Variants in DLG1 observed in about 807,000 individuals in gnomAD.
DLG1 encodes the protein disks large homolog 1.
Under a neutral mutation model 123.4 loss-of-function variants are expected in DLG1, and 42 were observed. The observed-to-expected ratio is 0.34, with a 90% CI of 0.27 to 0.44. DLG1 has a LOEUF of 0.44. DLG1 is among the 20% of genes least tolerant of loss of function. The probability of loss-of-function intolerance (pLI) is 1.00; values close to 1 mark genes in which losing one functional copy is unlikely to be tolerated. For missense variants in DLG1, 942 were observed against 1,082.6 expected, an observed-to-expected ratio of 0.87 and a Z score of 1.82; for synonymous variants, 317 against 356.2, an observed-to-expected ratio of 0.89 and a Z score of 1.24.
intron 3 of DLG1, among the ~76,000 whole-genome samples, chr3:197,287,834 T>C (rs985469935): frequency 1.6e-4 from 24 of 152,172 alleles, no homozygotes; most frequent in African/African-American, 5.8e-4. Flanking sequence ...GTATGGTGAA[T>C]TGGTCATTCT....
intron 16 of DLG1, among the ~76,000 whole-genome samples, chr3:197,084,198 T>C (rs1752820969): frequency 6.6e-6 from 1 of 152,156 alleles, no homozygotes; most frequent in African/African-American, 2.4e-5. Context: ...CCACAGACAC[T>C]TTCAGTTTTC....
chr3:197,229,884 A>G (rs1188793704), intron 4 of DLG1, among the ~76,000 whole-genome samples: 1 of 152,220 alleles, frequency 6.6e-6, no homozygotes, highest in East Asian at 1.9e-4. Flanking sequence ...ACGAGGTAAA[A>G]AGTATTATAA....
At chr3:197,157,781 A>G (rs1797006140) in intron 5 of DLG1, among the ~76,000 whole-genome samples, 1 of 152,206 alleles carries the variant, frequency 6.6e-6, no homozygotes, top group Non-Finnish European at 1.5e-5. Context: ...ACACTTCCTG[A>G]TTCCAAAACT....
chr3:197,165,705 T>C (rs1370968835), intron 5 of DLG1, among the ~76,000 whole-genome samples: 2 of 152,194 alleles, frequency 1.3e-5, no homozygotes, highest in Non-Finnish European at 2.9e-5. Context: ...CTAAGAATGT[T>C]TGAAAACCCA....
intron 5 of DLG1, among the ~76,000 whole-genome samples, chr3:197,173,359 T>G (rs1020503853): frequency 2.6e-5 from 4 of 152,214 alleles, no homozygotes; most frequent in African/African-American, 9.6e-5. Context: ...TTGCACATAT[T>G]GTCTCATTTA....
chr3:197,231,373 A>G (rs1160293924), intron 4 of DLG1, among the ~76,000 whole-genome samples: 1 of 152,210 alleles, frequency 6.6e-6, no homozygotes, highest in Non-Finnish European at 1.5e-5. Flanking sequence ...TTGATTTAGC[A>G]AAAATACCAT....
chr3:197,283,763 T>TA, intron 3 of DLG1, among the ~76,000 whole-genome samples: 1 of 152,054 alleles, frequency 6.6e-6, no homozygotes, highest in East Asian at 1.9e-4. Context: ...CAGAATAACT[T>TA]AGACTTCTTG....
chr3:197,289,975 T>C (rs1351005462), intron 3 of DLG1, among the ~76,000 whole-genome samples: 2 of 152,232 alleles, frequency 1.3e-5, no homozygotes, highest in Admixed American at 1.3e-4. Context: ...CTCAGAGAAA[T>C]GGCTGATTCC....
chr3:197,113,811 G>C (rs1771499023), intron 13 of DLG1, among the ~76,000 whole-genome samples: 3 of 152,108 alleles, frequency 2.0e-5, no homozygotes, highest in African/African-American at 7.2e-5. Context: ...GTAAGGTATA[G>C]ATAAGATGTA....
At chr3:197,149,520 G>A (rs1413518912) in intron 6 of DLG1, among the ~76,000 whole-genome samples, 1 of 151,808 alleles carries the variant, frequency 6.6e-6, no homozygotes, top group Non-Finnish European at 1.5e-5. Context: ...ATTAAATTAC[G>A]AATTTCTATT....
At chr3:197,109,745 T>G (rs2149351179) in intron 13 of DLG1, among the ~76,000 whole-genome samples, 1 of 152,368 alleles carries the variant, frequency 6.6e-6, no homozygotes, top group African/African-American at 2.4e-5. Context: ...TTCTTTATTT[T>G]CAAAAGATAG....
At chr3:197,192,533 CTGGT>C in intron 5 of DLG1, among the ~76,000 whole-genome samples, 1 of 152,098 alleles carries the variant, frequency 6.6e-6, no homozygotes, top group South Asian at 2.1e-4. Flanking sequence ...CTGCCACTAA[CTGGT>C]AAACAGCCAA....
chr3:197,267,198 AT>A (rs908019851), intron 4 of DLG1, among the ~76,000 whole-genome samples: 97 of 152,312 alleles, frequency 6.4e-4, no homozygotes, highest in African/African-American at 2.2e-3. Flanking sequence ...TGATTAAAAT[AT>A]TTTTTTAAAA....
chr3:197,077,448 C>T (rs538643597), intron 17 of DLG1, among the ~76,000 whole-genome samples: 192 of 152,094 alleles, frequency 1.3e-3, no homozygotes, highest in African/African-American at 4.4e-3. Flanking sequence ...TCCTGACCAA[C>T]GTGAATGCTA....
intron 4 of DLG1, among the ~76,000 whole-genome samples, chr3:197,252,814 T>G (rs1755095073): frequency 6.6e-6 from 1 of 152,186 alleles, no homozygotes; most frequent in South Asian, 2.1e-4. Context: ...ATGAATGTAT[T>G]TAATACCATT....
chr3:197,057,230 C>G (rs1451079061), intron 23 of DLG1, among the ~76,000 whole-genome samples: 1 of 152,114 alleles, frequency 6.6e-6, no homozygotes, highest in Admixed American at 6.5e-5. Context: ...CAGGAATGCA[C>G]CACCACATCC....
At chr3:197,182,475 A>G (rs1031008823) in intron 5 of DLG1, among the ~76,000 whole-genome samples, 2 of 152,190 alleles carry the variant, frequency 1.3e-5, no homozygotes, top group Admixed American at 6.5e-5. Flanking sequence ...CAACACCATT[A>G]AAAGACAATT....
chr3:197,286,233 A>G (rs1315484325), intron 3 of DLG1, among the ~76,000 whole-genome samples: 2 of 152,144 alleles, frequency 1.3e-5, no homozygotes, highest in Non-Finnish European at 2.9e-5. Context: ...GAAGTGGGGT[A>G]CCGGAGAAGA....
chr3:197,044,709 G>A lies in DLG1; in HGVS notation c.2596C>T (p.Leu866=). The A allele has an allele frequency of 6.2e-7, 1 of 1,605,476 alleles. No individual in the cohort carries two copies. The highest frequency in any genetic ancestry group is 8.5e-7 in the Non-Finnish European group (1 of 1,174,442). The change falls in exon 25 of 25, where the codon CTG becomes TTG. Residue 866 remains leucine (L), a synonymous_variant. Transcript: ENST00000667157. ...TTCACTTGGTTGTAAATGTCTTCCA[G>A]CGTATCCCCCTGTACAATAGCTGTA... The part of the protein sequence containing the change: ...HFTAIVQGDT[L]EDIYNQVKQI...
Sources: gnomAD v4.1 joint callset for allele counts (sites outside exome capture counted in the v4.1 genomes callset) on GRCh38, gnomAD v4.1.1 for gene constraint, MANE v1.5 for transcripts, NCBI Gene and HGNC (gene_info 2026-07-23, HGNC 2026-07-21) for gene names.